SEMA3A: variants seen among roughly 807,000 people sequenced by gnomAD.
The protein encoded by SEMA3A is semaphorin-3A.
A neutral mutation model predicts 97.9 loss-of-function variants in SEMA3A; 29 were observed. The observed-to-expected ratio is 0.30, with a 90% CI of 0.22 to 0.40. SEMA3A has a LOEUF of 0.40. SEMA3A is among the 10% of genes least tolerant of loss of function. The pLI is 1.00. For synonymous variants in SEMA3A, 321 were observed against 323.7 expected (o/e 0.99, Z 0.09); for missense variants, 763 against 951.3 (o/e 0.80, Z 2.60).
At chr7:84,345,643 C>T (rs1001768250) in intron 2 of SEMA3A, among the ~76,000 whole-genome samples, 2 of 152,156 alleles carry the variant, frequency 1.3e-5, no homozygotes, top group East Asian at 1.9e-4. Flanking sequence ...CTTATACACC[C>T]ATAAGAAGCA....
intron 1 of SEMA3A, among the ~76,000 whole-genome samples, chr7:84,177,637 A>G (rs578170942): frequency 6.6e-6 from 1 of 152,256 alleles, no homozygotes; most frequent in South Asian, 2.1e-4. Flanking sequence ...ACAATTAAAT[A>G]TCCTCTACAA....
intron 6 of SEMA3A, among the ~76,000 whole-genome samples, chr7:84,025,548 T>C (rs185889220): frequency 1.9e-4 from 29 of 152,304 alleles, no homozygotes; most frequent in African/African-American, 6.0e-4. Context: ...GGCTGTGGAA[T>C]AGAATAACCT....
At chr7:84,189,095 GA>G (rs1797966107) in intron 1 of SEMA3A, among the ~76,000 whole-genome samples, 1 of 151,900 alleles carries the variant, frequency 6.6e-6, no homozygotes, top group South Asian at 2.1e-4. Flanking sequence ...TAGAAATCAT[GA>G]GGGGTAAAAG....
At chr7:84,128,935 A>G (rs1795877720) in intron 3 of SEMA3A, among the ~76,000 whole-genome samples, 188 bp downstream of exon 3, 2 of 152,186 alleles carry the variant, frequency 1.3e-5, no homozygotes, top group African/African-American at 4.8e-5. Flanking sequence ...TACTATGTAT[A>G]TGAAACATAA....
intron 1 of SEMA3A, among the ~76,000 whole-genome samples, chr7:84,412,233 G>A (rs962857815): frequency 6.6e-6 from 1 of 152,122 alleles, no homozygotes; most frequent in Admixed American, 6.6e-5. Flanking sequence ...GGTTTTTAAG[G>A]AGCATGGATC....
At chr7:84,244,309 T>C (rs986299575) in intron 3 of SEMA3A, among the ~76,000 whole-genome samples, 1 of 152,176 alleles carries the variant, frequency 6.6e-6, no homozygotes, top group Non-Finnish European at 1.5e-5. Context: ...GATAGTTAGC[T>C]CTTCTTGTTG....
chr7:84,223,419 AG>A (rs948255146), intron 3 of SEMA3A, among the ~76,000 whole-genome samples: 19 of 151,836 alleles, frequency 1.3e-4, no homozygotes, highest in African/African-American at 4.6e-4. Flanking sequence ...ATCAATGGAG[AG>A]GTTAAGCCAC....
chr7:84,018,339 TTATG>T (rs1195258310), intron 6 of SEMA3A, among the ~76,000 whole-genome samples: 1 of 152,182 alleles, frequency 6.6e-6, no homozygotes, highest in Non-Finnish European at 1.5e-5. Flanking sequence ...AATTTATTCT[TTATG>T]TAATCACTTA....
rs913102424 is a variant in SEMA3A at position 84,152,459 on chromosome 7, G to A, written c.113-17508C>T. ...TCGCAAGAACAAAAAACCAAACACC[G>A]CGTATTCTCACTCATAGGTGGGAAT... On this transcript the variant is annotated intron_variant, in intron 1 of 16. Transcript: ENST00000265362. 1.0e-3 allele frequency among the ~76,000 whole-genome samples: 142 copies of A among 139,140 alleles called. 2 individuals are homozygous for A. The highest frequency in any genetic ancestry group is 3.6e-3 in the African/African-American group (130 of 36,218). 91.3% of individuals were successfully genotyped at this position (139,140 alleles called of 152,430 possible).
chr7:84,103,295 C>T (rs896986896), intron 4 of SEMA3A, among the ~76,000 whole-genome samples: 15 of 152,074 alleles, frequency 9.9e-5, no homozygotes, highest in African/African-American at 3.6e-4. Flanking sequence ...ATTTGCATAT[C>T]GAGTCAGGCT....
intron 1 of SEMA3A, among the ~76,000 whole-genome samples, chr7:84,426,623 A>G (rs1381296007): frequency 6.6e-6 from 1 of 152,140 alleles, no homozygotes; most frequent in Non-Finnish European, 1.5e-5. Flanking sequence ...AATTCATGAA[A>G]TCATAGGATT....
intron 3 of SEMA3A, among the ~76,000 whole-genome samples, chr7:84,301,341 T>C (rs1801012646): frequency 6.6e-6 from 1 of 152,004 alleles, no homozygotes; most frequent in Admixed American, 6.6e-5. Context: ...CACATGCATA[T>C]ATCAAAGAAT....
intron 7 of SEMA3A, among the ~76,000 whole-genome samples, chr7:84,012,617 C>T (rs1391315884): frequency 6.6e-6 from 1 of 152,100 alleles, no homozygotes; most frequent in Non-Finnish European, 1.5e-5. Context: ...ATTTTATAAG[C>T]TGAAGGAGTT....
intron 2 of SEMA3A, among the ~76,000 whole-genome samples, chr7:84,370,506 G>T (rs1802947671): frequency 6.6e-6 from 1 of 151,466 alleles, no homozygotes; most frequent in South Asian, 2.1e-4. Flanking sequence ...AGATTTGATA[G>T]GCCTCAAATA....
At chr7:84,272,503 A>T (rs942172689) in intron 3 of SEMA3A, among the ~76,000 whole-genome samples, 2 of 152,082 alleles carry the variant, frequency 1.3e-5, no homozygotes, top group African/African-American at 4.8e-5. Context: ...ATATTAAATG[A>T]TTATGGCCAA....
At chr7:84,173,303 C>T (rs1365155462) in intron 1 of SEMA3A, among the ~76,000 whole-genome samples, 1 of 151,994 alleles carries the variant, frequency 6.6e-6, no homozygotes, top group African/African-American at 2.4e-5. Context: ...CGTCCGTAAT[C>T]CCAGCACTTT....
At chr7:84,470,817 G>C (rs1806127411) in intron 1 of SEMA3A, among the ~76,000 whole-genome samples, 1 of 151,886 alleles carries the variant, frequency 6.6e-6, no homozygotes, top group South Asian at 2.1e-4. Flanking sequence ...TCACCCATTA[G>C]GCTGCCTAAG....
At chr7:84,222,177 A>C (rs1798897691) in intron 3 of SEMA3A, among the ~76,000 whole-genome samples, 1 of 151,988 alleles carries the variant, frequency 6.6e-6, no homozygotes, top group Non-Finnish European at 1.5e-5. Context: ...TATGCTATTA[A>C]ATGAAAAAAT....
chr7:84,400,995 A>G (rs1803885122), intron 1 of SEMA3A, among the ~76,000 whole-genome samples: 1 of 152,096 alleles, frequency 6.6e-6, no homozygotes, highest in Admixed American at 6.6e-5. Context: ...ACTTTTATTA[A>G]ATATAGTACT....
Sources: gnomAD v4.1 joint callset for allele counts (sites outside exome capture counted in the v4.1 genomes callset) on GRCh38, gnomAD v4.1.1 for gene constraint, MANE v1.5 for transcripts, NCBI Gene and HGNC (gene_info 2026-07-23, HGNC 2026-07-21) for gene names.